The following DCDC1 variants were observed in gnomAD, a reference collection of about 807,000 sequenced individuals.
DCDC1 encodes doublecortin domain containing 1, also known as doublecortin domain-containing protein 1.
In DCDC1, 200 loss-of-function variants were observed where a neutral mutation model predicts 178.3. That is an observed-to-expected ratio of 1.12 (90% CI 1.00 to 1.26). DCDC1 has a LOEUF of 1.26. Among genes scored for constraint, DCDC1 ranks in the 50% most tolerant of loss-of-function variants. The pLI is 0.00. For missense variants in DCDC1, 1,983 were observed against 1,749.2 expected (o/e 1.13, Z -2.38); for synonymous variants, 690 against 604.8 (o/e 1.14, Z -2.07).
At chr11:31,173,408 A>C (rs1339478561) in intron 9 of DCDC1, among the ~76,000 whole-genome samples, 11 of 152,104 alleles carry the variant, frequency 7.2e-5, no homozygotes, top group Non-Finnish European at 7.4e-5. Flanking sequence ...TTTTTTTCTT[A>C]CTGCAATGCA....
In DCDC1 at chr11:30,888,056, AAGAAAGAG is replaced by A. The variant is rs1481807756; in HGVS notation, c.5082+4754_5082+4761del. On this transcript the variant is annotated intron_variant, in intron 36 of 38. Coordinates refer to ENST00000684477, the MANE Select transcript of DCDC1 (RefSeq NM_001387274.1). The stretch of plus-strand genomic sequence containing the variant: ...AGAGAAAGAAAGAAAGAAAGAAAGA[AAGAAAGAG>A]AGAGAGAGAGAGAGAGAGAGAAAGA... Among the ~76,000 whole-genome samples, 56 of 84,512 alleles carry A rather than the reference AAGAAAGAG, an allele frequency of 6.6e-4. 1 individual carries two copies. Among genetic ancestry groups the A allele is most frequent in the African/African-American group, 1.7e-3 (38 of 22,940 alleles). The allele number at this position is 84,512 out of a possible 152,430, so 55.4% of individuals were successfully genotyped here. A position where few individuals can be genotyped will look rare whatever the true frequency, so the allele number is the denominator to read the frequency against.
chr11:31,151,416 G>A (rs1407946357), intron 9 of DCDC1, among the ~76,000 whole-genome samples: 2 of 152,064 alleles, frequency 1.3e-5, no homozygotes, highest in African/African-American at 2.4e-5. Context: ...TTTAATCTAG[G>A]AGAATTCATT....
intron 20 of DCDC1, among the ~76,000 whole-genome samples, chr11:31,009,819 A>T (rs1489267160): frequency 2.0e-5 from 3 of 152,178 alleles, no homozygotes; most frequent in Non-Finnish European, 4.4e-5. Flanking sequence ...TCACAGTTCC[A>T]CATTGCTGGG....
intron 9 of DCDC1, among the ~76,000 whole-genome samples, chr11:31,166,445 C>T (rs1177161692): frequency 2.0e-5 from 3 of 152,010 alleles, no homozygotes; most frequent in Non-Finnish European, 4.4e-5. Flanking sequence ...TTAATGTATG[C>T]AAATTTAAAA....
intron 9 of DCDC1, among the ~76,000 whole-genome samples, chr11:31,161,611 C>T (rs1966318860): frequency 1.3e-5 from 2 of 152,102 alleles, no homozygotes; most frequent in African/African-American, 4.8e-5. Context: ...GTAATTCCAG[C>T]CCCATAGAAA....
At chr11:31,009,520 T>C (rs1952049514) in intron 20 of DCDC1, among the ~76,000 whole-genome samples, 1 of 150,762 alleles carries the variant, frequency 6.6e-6, no homozygotes, top group African/African-American at 2.4e-5. Flanking sequence ...AGAAATCCCA[T>C]GATCTTCATG....
chr11:31,226,852 A>C (rs1975031194), intron 9 of DCDC1, among the ~76,000 whole-genome samples: 1 of 152,014 alleles, frequency 6.6e-6, no homozygotes, highest in African/African-American at 2.4e-5. Context: ...AGAAAAAGAC[A>C]TTTTTTCTCA....
chr11:31,166,975 T>A (rs1032016740), intron 9 of DCDC1, among the ~76,000 whole-genome samples: 1 of 152,140 alleles, frequency 6.6e-6, no homozygotes, highest in African/African-American at 2.4e-5. Flanking sequence ...CCCGAACTAA[T>A]GCTAGCAATT....
intron 38 of DCDC1, among the ~76,000 whole-genome samples, chr11:30,874,563 T>C (rs778902236): frequency 1.3e-5 from 2 of 152,028 alleles, no homozygotes; most frequent in Non-Finnish European, 2.9e-5. Flanking sequence ...AACAGAGATA[T>C]AATCAGATTT....
chr11:31,213,138 T>TCC (rs1972930832), intron 9 of DCDC1, among the ~76,000 whole-genome samples: 2 of 141,354 alleles, frequency 1.4e-5, no homozygotes, highest in East Asian at 4.0e-4. Flanking sequence ...TCTCTCTCTC[T>TCC]CTCTCTCTCT....
intron 11 of DCDC1, among the ~76,000 whole-genome samples, 200 bp from the exon 12 acceptor site, chr11:31,110,561 A>G (rs1356694219): frequency 1.3e-5 from 2 of 152,304 alleles, no homozygotes; most frequent in African/African-American, 4.8e-5. Context: ...TGGAATCAAC[A>G]GCACTAAAAG....
chr11:30,884,625 C>A (rs1016275571), intron 36 of DCDC1, among the ~76,000 whole-genome samples: 2 of 151,952 alleles, frequency 1.3e-5, no homozygotes, highest in African/African-American at 4.8e-5. Context: ...TTTGAAAATA[C>A]AGTGGGAGAA....
chr11:31,154,443 A>G (rs1965516258), intron 9 of DCDC1, among the ~76,000 whole-genome samples: 2 of 152,104 alleles, frequency 1.3e-5, no homozygotes, highest in African/African-American at 4.8e-5. Context: ...TCCTATATTA[A>G]TTATGCAGGG....
intron 1 of DCDC1, among the ~76,000 whole-genome samples, chr11:31,359,734 C>T (rs1307503057): frequency 6.6e-6 from 1 of 152,180 alleles, no homozygotes; most frequent in East Asian, 1.9e-4. Context: ...AAACTCTTTT[C>T]TGTACATTTT....
rs142721131 is a variant in DCDC1 at position 31,257,145 on chromosome 11, A to G, written c.1054+8362T>C. The stretch of plus-strand genomic sequence containing the variant: ...ACTGAGTTCTACATGCATGATGGTG[A>G]GGTTCTGTCTTTAAATTGTTAATAC... On this transcript the variant is annotated intron_variant, in intron 8 of 38. Transcript: ENST00000684477. Among the ~76,000 whole-genome samples, 11 of 152,268 alleles carry G rather than the reference A, an allele frequency of 7.2e-5. No individual in the cohort carries two copies. The East Asian group carries it at 2.1e-3, about 29-fold the overall frequency.
intron 9 of DCDC1, among the ~76,000 whole-genome samples, chr11:31,163,473 C>T (rs1037575023): frequency 1.3e-5 from 2 of 152,018 alleles, no homozygotes; most frequent in Non-Finnish European, 2.9e-5. Flanking sequence ...TTTGATTTCA[C>T]CATGATGCTA....
intron 6 of DCDC1, 138 bp downstream of exon 6, chr11:31,305,477 C>T: frequency 7.1e-6 from 8 of 1,119,818 alleles, no homozygotes; most frequent in Non-Finnish European, 9.8e-6. Flanking sequence ...GCACATTATC[C>T]TCTTACTGAG....
chr11:30,878,703 GT>G lies in DCDC1; in HGVS notation c.5241del (p.Lys1747AsnfsTer3). On this transcript the variant is annotated frameshift_variant, in exon 38 of 39. Coordinates refer to ENST00000684477, the MANE Select transcript of DCDC1 (RefSeq NM_001387274.1). LOFTEE classifies it high-confidence loss of function. ...GHGFKTPKEL[K>X]QLMEIRANYA... ...TAATTTGCTCTGATCTCCATCAGTT[GT>G]TTTAACTCTGTTAAAAAAAAAAAAA... is the stretch of plus-strand genomic sequence containing the variant. The G allele has an allele frequency of 6.7e-7, 1 of 1,502,238 alleles. No individual in the cohort carries two copies. The allele number at this position is 1,502,238 out of a possible 1,614,324, so 93.1% of individuals were successfully genotyped here. A position where few individuals can be genotyped will look rare whatever the true frequency, so the allele number is the denominator to read the frequency against.
At chr11:30,939,891 A>G (rs1363696090) in intron 21 of DCDC1, among the ~76,000 whole-genome samples, 1 of 152,192 alleles carries the variant, frequency 6.6e-6, no homozygotes, top group African/African-American at 2.4e-5. Context: ...CTATTAGATC[A>G]TGAAATTATT....
Sources: gnomAD v4.1 joint callset for allele counts (sites outside exome capture counted in the v4.1 genomes callset) on GRCh38, gnomAD v4.1.1 for gene constraint, MANE v1.5 for transcripts, NCBI Gene and HGNC (gene_info 2026-07-23, HGNC 2026-07-21) for gene names.